DENND1B: variants seen among roughly 807,000 people sequenced by gnomAD.
DENND1B encodes DENN domain-containing protein 1B.
A neutral mutation model predicts 90.1 loss-of-function variants in DENND1B; 59 were observed. The ratio of observed to expected loss-of-function variants is 0.65; its 90% confidence interval spans 0.53 to 0.81. The LOEUF is 0.81. Ranked by LOEUF, DENND1B falls within the 40% of genes least tolerant of loss-of-function variation. The pLI is 0.00. For synonymous variants in DENND1B, 337 were observed against 324.6 expected (o/e 1.04, Z -0.41); for missense variants, 862 against 912.6 (o/e 0.94, Z 0.71).
At chr1:197,674,195 G>A (rs201596664) in intron 3 of DENND1B, 26 bp from the exon 4 acceptor site, 9 of 1,525,076 alleles carry the variant, frequency 5.9e-6, no homozygotes, top group Non-Finnish European at 6.2e-6. Context: ...TCAAAAAAAA[G>A]AAATAAGTTT....
At chr1:197,591,340 T>G (rs1394588714) in intron 14 of DENND1B, among the ~76,000 whole-genome samples, 1 of 152,184 alleles carries the variant, frequency 6.6e-6, no homozygotes, top group Non-Finnish European at 1.5e-5. Context: ...ATAGCTGCAT[T>G]CAACATATAT....
chr1:197,696,961 A>G (rs1254184873), intron 3 of DENND1B, among the ~76,000 whole-genome samples: 4 of 151,370 alleles, frequency 2.6e-5, no homozygotes, highest in Non-Finnish European at 5.9e-5. Flanking sequence ...AAGTACAGAC[A>G]GGTTGCCTTG....
chr1:197,578,200 A>G (rs1673864930), intron 15 of DENND1B, among the ~76,000 whole-genome samples: 1 of 152,084 alleles, frequency 6.6e-6, no homozygotes, highest in African/African-American at 2.4e-5. Flanking sequence ...TGTATTGTAC[A>G]TTTCAAAATT....
Position 197,509,937 on chromosome 1 carries a change from G to A in DENND1B, c.*523C>T, listed in dbSNP as rs1667910847. On this transcript the variant is annotated 3_prime_UTR_variant, in exon 23 of 23. Transcript: ENST00000620048. ...GACCTTGATTTGATGAATAGAAAAA[G>A]GCATTATTGCTCTGCAGAACACTAA... is the stretch of plus-strand genomic sequence containing the variant. 1 of 151,820 alleles carries A rather than the reference G, an allele frequency of 6.6e-6. No individual in the cohort carries two copies. The highest frequency in any genetic ancestry group is 2.4e-5 in the African/African-American group (1 of 41,346). The allele number at this position is 151,820 out of a possible 1,614,324, so 9.4% of individuals were successfully genotyped here.
In DENND1B at chr1:197,506,469, A is replaced by G. The variant is rs2125583936; in HGVS notation, c.*3991T>C. On this transcript the variant is annotated 3_prime_UTR_variant, in exon 23 of 23. Coordinates refer to ENST00000620048, the MANE Select transcript of DENND1B (RefSeq NM_001195215.2). Reference sequence around the variant, plus strand: ...CATTCTTAAATATTCTGATTTACAAATATCTTAAGATTCAGGGTCTTTTAT... The same window carrying G: ...CATTCTTAAATATTCTGATTTACAAGTATCTTAAGATTCAGGGTCTTTTAT... 1 of 151,706 alleles carries G rather than the reference A, an allele frequency of 6.6e-6. No individual in the cohort carries two copies. Among genetic ancestry groups the G allele is most frequent in the South Asian group, 2.1e-4 (1 of 4,830 alleles). The allele number at this position is 151,706 out of a possible 1,614,324, so 9.4% of individuals were successfully genotyped here.
intron 13 of DENND1B, among the ~76,000 whole-genome samples, chr1:197,601,221 G>T (rs1191222479): frequency 7.2e-6 from 1 of 138,344 alleles, no homozygotes; most frequent in Non-Finnish European, 1.6e-5. Context: ...GTACATAGTA[G>T]ATACTTGATA....
rs1558358390 is a variant in DENND1B at position 197,652,221 on chromosome 1, G to A, written c.447+14C>T. On this transcript the variant is annotated intron_variant, in intron 7 of 22. Transcript: ENST00000620048. ...GCTATGACTCCCAAAAACAATTACT[G>A]ATTGAATACTTACCACACTCAAATT... 1 of 1,605,812 alleles carries A rather than the reference G, an allele frequency of 6.2e-7. No individual in the cohort carries two copies. Among genetic ancestry groups the A allele is most frequent in the East Asian group, 2.3e-5 (1 of 44,300 alleles).
At position 197,510,206 on chromosome 1, in the gene DENND1B, T is replaced by A. The variant is rs1483444230; in HGVS notation, c.*254A>T. On this transcript the variant is annotated 3_prime_UTR_variant, in exon 23 of 23. Transcript: ENST00000620048. ...ATAAACGGCATTAAGCACCAAACAC[T>A]GGGAAATCTCATGGTCAATACATAC... The A allele has an allele frequency of 2.2e-6, 1 of 451,116 alleles. No homozygotes were observed. Among genetic ancestry groups the A allele is most frequent in the African/African-American group, 2.0e-5 (1 of 49,514 alleles). The allele number at this position is 451,116 out of a possible 1,614,324, so 27.9% of individuals were successfully genotyped here.
At chr1:197,664,715 G>A (rs1400936393) in intron 5 of DENND1B, among the ~76,000 whole-genome samples, 4 of 152,074 alleles carry the variant, frequency 2.6e-5, no homozygotes, top group African/African-American at 4.8e-5. Flanking sequence ...CTGCCTTTCC[G>A]TAGGAAAACA....
chr1:197,596,917 CA>C (rs1372938415), intron 13 of DENND1B, among the ~76,000 whole-genome samples: 1 of 151,814 alleles, frequency 6.6e-6, no homozygotes, highest in Non-Finnish European at 1.5e-5. Flanking sequence ...GTGATCTGAT[CA>C]AAGAAACAGA....
chr1:197,741,295 CAT>C lies in DENND1B; in HGVS notation c.83-26223_83-26222del, dbSNP rs536091016. 8.2e-3 allele frequency among the ~76,000 whole-genome samples: 1,252 copies of C among 152,256 alleles called. 18 individuals carry two copies. Among genetic ancestry groups the C allele is most frequent in the African/African-American group, 0.028 (1,147 of 41,542 alleles). ...TAATTCATGTGCATATTCCAAAGAT[CAT>C]CACTTCCAACTCAACCCAACTAAGG... On this transcript the variant is annotated intron_variant, in intron 2 of 22. Coordinates refer to ENST00000620048, the MANE Select transcript of DENND1B (RefSeq NM_001195215.2).
At chr1:197,701,867 C>G (rs1028776314) in intron 3 of DENND1B, among the ~76,000 whole-genome samples, 8 of 152,056 alleles carry the variant, frequency 5.3e-5, no homozygotes, top group Non-Finnish European at 1.0e-4. Context: ...ACTTAAAATA[C>G]CTTAAAAATA....
At chr1:197,684,474 A>T (rs1037285296) in intron 3 of DENND1B, among the ~76,000 whole-genome samples, 4 of 152,196 alleles carry the variant, frequency 2.6e-5, no homozygotes, top group Non-Finnish European at 5.9e-5. Context: ...AATGTATATT[A>T]TCCATATATA....
intron 16 of DENND1B, 86 bp from the exon 17 acceptor site, chr1:197,546,859 C>A: frequency 8.2e-7 from 1 of 1,225,476 alleles, no homozygotes; most frequent in East Asian, 2.6e-5. Context: ...AGTATTTGCA[C>A]AATTTTTAGT....
Position 197,539,971 on chromosome 1 carries a change from A to G in DENND1B, c.1508T>C (p.Leu503Pro), listed in dbSNP as rs920690747. Residue 503 changes from leucine to proline, a missense_variant, in exon 20 of 23, where the codon CTT (leucine) becomes CCT (proline). Physicochemically the swap from Leu to Pro is moderately conservative, Grantham distance 98. Transcript: ENST00000620048. ...EKGGNSEKRK[L>P]AQARLKRPLK... ...GTAAATAACCTTACTTACCTGAGCA[A>G]GCTTACGCTTTTCTGAGTTTCCTCC... is the stretch of plus-strand genomic sequence containing the variant. The G allele has an allele frequency of 1.9e-6, 3 of 1,611,894 alleles. No individual in the cohort carries two copies. Among genetic ancestry groups the G allele is most frequent in the African/African-American group, 1.3e-5 (1 of 74,880 alleles).
intron 10 of DENND1B, among the ~76,000 whole-genome samples, chr1:197,642,507 A>C (rs1680351219): frequency 6.6e-6 from 1 of 152,238 alleles, no homozygotes; most frequent in South Asian, 2.1e-4. Flanking sequence ...AGAAAAAATA[A>C]TTAACCTGAC....
intron 3 of DENND1B, among the ~76,000 whole-genome samples, chr1:197,688,256 T>C (rs1258268018): frequency 1.3e-5 from 2 of 152,088 alleles, no homozygotes; most frequent in African/African-American, 4.8e-5. Flanking sequence ...TAAAGCAATC[T>C]ACAGATTCAA....
rs1459458804 is a variant in DENND1B at position 197,545,978 on chromosome 1, G to A, written c.1294C>T (p.Leu432=). 2.5e-6 allele frequency: 4 copies of A among 1,601,266 alleles called. No individual in the cohort carries two copies. The highest frequency in any genetic ancestry group is 3.4e-6 in the Non-Finnish European group (4 of 1,176,958). Residue 432 remains leucine, a synonymous_variant, in exon 18 of 23, where the codon CTG becomes TTG. Transcript: ENST00000620048. ...WVHTVKKGGA[L]FNTAMTKATP... ...GCTTTGGTCATTGCTGTGTTGAACA[G>A]TGCACCTCCTTTCTGCAAAAGAAAA...
chr1:197,538,919 G>A (rs1400879798), intron 20 of DENND1B, among the ~76,000 whole-genome samples: 1 of 151,954 alleles, frequency 6.6e-6, no homozygotes, highest in Non-Finnish European at 1.5e-5. Flanking sequence ...TTGCCTTTCT[G>A]CCTTCCACCA....
Sources: allele counts gnomAD v4.1 joint callset (sites outside exome capture counted in the v4.1 genomes callset), GRCh38; gene constraint gnomAD v4.1.1; transcripts MANE v1.5; gene names NCBI Gene and HGNC (gene_info 2026-07-23, HGNC 2026-07-21).